The following TCTN1 variants were observed in gnomAD, a reference collection of about 807,000 sequenced individuals.
The protein encoded by TCTN1 is tectonic-1.
TCTN1 carries 58 observed loss-of-function variants against 65.8 expected under a neutral mutation model. The ratio of observed to expected loss-of-function variants is 0.88; its 90% CI spans 0.71 to 1.10. TCTN1 has a LOEUF of 1.10. Among genes scored for constraint, TCTN1 ranks in the 50% least tolerant of loss-of-function variants. The pLI is 0.00. For synonymous variants in TCTN1, 273 were observed against 289.1 expected (o/e 0.94, Z 0.57); for missense variants, 645 against 719.4 (o/e 0.90, Z 1.18).
rs2066578661 is a variant in TCTN1, at chr12:110,636,489, T to C, written c.831T>C (p.Asp277=). The part of the protein sequence containing the change: ...YSSPEILRVP[D]SRKKVPITVQ... ...GGTTTCTTTTTATCTAGGTACCTGA[T>C]TCAAGAAAAAAGGTAAGAGTATTTA... is the stretch of plus-strand genomic sequence containing the variant. Residue 277 remains aspartate (D), a synonymous_variant, in exon 7 of 15, where the codon GAT becomes GAC. Coordinates refer to ENST00000397659, the MANE Select transcript of TCTN1 (RefSeq NM_001082538.3). 2.2e-6 allele frequency: 3 copies of C among 1,363,798 alleles called. No homozygotes were observed. Among genetic ancestry groups the C allele is most frequent in the Admixed American group, 1.7e-5 (1 of 57,392 alleles). The allele number at this position is 1,363,798 out of a possible 1,614,324, so 84.5% of individuals were successfully genotyped here. A position where few individuals can be genotyped will look rare whatever the true frequency, so the allele number is the denominator to read the frequency against.
In TCTN1 at chr12:110,614,165, G is replaced by C; in HGVS notation, c.-18G>C. 6.5e-7 allele frequency: 1 copy of C among 1,548,366 alleles called. No homozygotes were observed. Among genetic ancestry groups the C allele is most frequent in the Non-Finnish European group, 8.7e-7 (1 of 1,147,558 alleles). The stretch of plus-strand genomic sequence containing the variant: ...ACGCGCTGTCCATGTCGCGGGCCTC[G>C]CTGGGACTCCCTGGGAGATGAGGCC... On this transcript the variant is annotated 5_prime_UTR_variant, in exon 1 of 15. Transcript: ENST00000397659.
chr12:110,620,121 T>C (rs111636572), intron 2 of TCTN1, among the ~76,000 whole-genome samples, 165 bp downstream of exon 2: 4 of 152,230 alleles, frequency 2.6e-5, no homozygotes, highest in African/African-American at 9.6e-5. Flanking sequence ...AAAGTAGCTA[T>C]CCCTGGCAGG....
intron 1 of TCTN1, among the ~76,000 whole-genome samples, chr12:110,614,687 A>G (rs1431366835): frequency 6.6e-6 from 1 of 152,230 alleles, no homozygotes; most frequent in East Asian, 1.9e-4. Flanking sequence ...GCAAAGAGCA[A>G]TAATGAATTC....
intron 3 of TCTN1, chr12:110,628,033 C>T (rs886182543): frequency 6.5e-7 from 1 of 1,535,508 alleles, no homozygotes. Flanking sequence ...CTGCTTCCTT[C>T]TCTCTCTTCT....
chr12:110,644,564 G>A lies in TCTN1; in HGVS notation c.1332-403G>A, dbSNP rs2067173522. 2 of 277,798 alleles carry A rather than the reference G, an allele frequency of 7.2e-6. No homozygotes were observed. Among genetic ancestry groups the A allele is most frequent in the Non-Finnish European group, 1.4e-5 (2 of 142,846 alleles). The allele number at this position is 277,798 out of a possible 1,614,324, so 17.2% of individuals were successfully genotyped here. A position where few individuals can be genotyped will look rare whatever the true frequency, so the allele number is the denominator to read the frequency against. ...ATGGTGGTGGGCACCTGTAGTCCCA[G>A]CTACTCAGGAGGCTGAGGCAGGAGA... On this transcript the variant is annotated intron_variant, in intron 11 of 14. Transcript: ENST00000397659. This position sits in a 1 kb window ranked among gnomAD's most constrained non-coding sequence, Gnocchi z 4.6.
rs764236459 is a variant in TCTN1 at position 110,647,340 on chromosome 12, G to C, written c.1635+4G>C. 25 of 1,614,130 alleles carry C rather than the reference G, an allele frequency of 1.5e-5. No individual in the cohort carries two copies. The highest frequency in any genetic ancestry group is 1.9e-5 in the Non-Finnish European group (23 of 1,180,032). ...AATTTCATCCTCCTTTCCTGAGGTA[G>C]GCCTAACCTAGTTTAAAGGCATAGG... is the stretch of plus-strand genomic sequence containing the variant. On this transcript the variant is annotated splice_donor_region_variant and intron_variant, in intron 13 of 14. Coordinates refer to ENST00000397659, the MANE Select transcript of TCTN1 (RefSeq NM_001082538.3).
At position 110,614,393 on chromosome 12, in the gene TCTN1, G is replaced by A. The variant is rs776696098; in HGVS notation, c.211G>A (p.Val71Ile). 6.4e-5 allele frequency: 102 copies of A among 1,596,578 alleles called. No individual in the cohort carries two copies. Among genetic ancestry groups the A allele is most frequent in the Non-Finnish European group, 8.6e-5 (101 of 1,171,956 alleles). Reference sequence around the variant, plus strand: ...CTCCTCCGGCCCCAGGCCTACCCCAGTCACGGACGGTGGGTACCATGTGCC... The same window carrying A: ...CTCCTCCGGCCCCAGGCCTACCCCAATCACGGACGGTGGGTACCATGTGCC... ...GPSSGPRPTP[V>I]TDVAVLCVCD... Residue 71 changes from valine (V) to isoleucine (I), a missense_variant, in exon 1 of 15, where the codon GTC becomes ATC. Physicochemically the swap from Val to Ile is conservative, Grantham distance 29. Coordinates refer to ENST00000397659, the MANE Select transcript of TCTN1 (RefSeq NM_001082538.3).
intron 4 of TCTN1, among the ~76,000 whole-genome samples, chr12:110,631,300 C>CA (rs75934454): frequency 1 from 151,531 of 151,532 alleles, 75,765 homozygotes; most frequent in Middle Eastern, 1. Context: ...GCTGGGATTA[C>CA]GATGTGAGCC....
intron 3 of TCTN1, among the ~76,000 whole-genome samples, chr12:110,626,793 G>A (rs1284834353): frequency 3.8e-5 from 5 of 131,566 alleles, no homozygotes; most frequent in Non-Finnish European, 6.3e-5. Context: ...TTTTTGAGAC[G>A]GAGTTTCGCT....
intron 2 of TCTN1, chr12:110,625,525 A>T (rs2065771862): frequency 1.3e-5 from 2 of 152,128 alleles, no homozygotes; most frequent in Admixed American, 1.3e-4. Context: ...CAGGTGGATC[A>T]TCTGAGGTAA....
At chr12:110,625,938 G>C (rs1316074649) in intron 2 of TCTN1, 1 of 158,552 alleles carries the variant, frequency 6.3e-6, no homozygotes, top group Non-Finnish European at 1.4e-5. Context: ...ATTTTTAGTG[G>C]AGATGGGGTT....
intron 9 of TCTN1, 21 bp downstream of exon 9, chr12:110,641,170 A>G (rs753448121): frequency 1.7e-5 from 27 of 1,614,098 alleles, no homozygotes; most frequent in Non-Finnish European, 2.2e-5. Context: ...TCAATTTGGC[A>G]TAAGTATTTA....
At chr12:110,617,365 C>T (rs1440773550) in intron 1 of TCTN1, among the ~76,000 whole-genome samples, 1 of 151,094 alleles carries the variant, frequency 6.6e-6, no homozygotes, top group South Asian at 2.1e-4. Context: ...TTTTAATTGC[C>T]CAGGCTGGAA....
Position 110,614,157 on chromosome 12 carries a change from C to T in TCTN1, c.-26C>T, listed in dbSNP as rs748102309. The T allele has an allele frequency of 1.3e-6, 2 of 1,546,830 alleles. No individual in the cohort carries two copies. The highest frequency in any genetic ancestry group is 1.4e-5 in the African/African-American group (1 of 73,410). On this transcript the variant is annotated 5_prime_UTR_variant, in exon 1 of 15. Coordinates refer to ENST00000397659, the MANE Select transcript of TCTN1 (RefSeq NM_001082538.3). Reference sequence around the variant, plus strand: ...GCCGGGCAACGCGCTGTCCATGTCGCGGGCCTCGCTGGGACTCCCTGGGAG... The same window carrying T: ...GCCGGGCAACGCGCTGTCCATGTCGTGGGCCTCGCTGGGACTCCCTGGGAG...
At chr12:110,638,622 C>T (rs918884560) in intron 7 of TCTN1, among the ~76,000 whole-genome samples, 2 of 152,172 alleles carry the variant, frequency 1.3e-5, no homozygotes, top group Non-Finnish European at 2.9e-5. Context: ...GTTTCCTTCT[C>T]GGGACAGTTG....
intron 1 of TCTN1, among the ~76,000 whole-genome samples, chr12:110,614,853 T>TC (rs1350893978): frequency 6.6e-6 from 1 of 152,164 alleles, no homozygotes; most frequent in Non-Finnish European, 1.5e-5. Context: ...AACCCAGGAT[T>TC]CCTCCTGTGT....
chr12:110,647,972 G>A, intron 14 of TCTN1, 79 bp downstream of exon 14: 1 of 1,592,150 alleles, frequency 6.3e-7, no homozygotes, highest in Non-Finnish European at 8.6e-7. Context: ...GTCCCTAGGG[G>A]ATACTGCATT....
At chr12:110,646,024 A>G (rs181162572) in intron 12 of TCTN1, 7 of 152,098 alleles carry the variant, frequency 4.6e-5, no homozygotes, top group African/African-American at 1.7e-4. Flanking sequence ...CTTCTTGGCC[A>G]TGGGTGAAGA....
At position 110,626,510 on chromosome 12, in the gene TCTN1, A is replaced by G. The variant is rs1462503484; in HGVS notation, c.472+18A>G. The G allele has an allele frequency of 1.9e-6, 3 of 1,608,156 alleles. No homozygotes were observed. The African/African-American group carries it at 4.0e-5, about 22-fold the overall frequency. ...TACAAACTGTAAGTATTTGACATTGATATATTTTGTGAAGCTCTGGAAAAT... is the reference window on the plus strand; with the variant it reads ...TACAAACTGTAAGTATTTGACATTGGTATATTTTGTGAAGCTCTGGAAAAT... On this transcript the variant is annotated intron_variant, in intron 3 of 14. Coordinates refer to ENST00000397659, the MANE Select transcript of TCTN1 (RefSeq NM_001082538.3).
Sources: gnomAD v4.1 joint callset for allele counts (sites outside exome capture counted in the v4.1 genomes callset) on GRCh38, gnomAD v4.1.1 for gene constraint, Gnocchi (gnomAD v3.1) non-coding constraint, MANE v1.5 for transcripts, NCBI Gene and HGNC (gene_info 2026-07-23, HGNC 2026-07-21) for gene names.